Variants in CA12 observed in about 807,000 individuals in gnomAD.
CA12 encodes carbonate dehydratase XII.
CA12 carries 36 observed loss-of-function variants against 46.8 expected under a neutral mutation model. The observed-to-expected ratio is 0.77, with a 90% CI of 0.59 to 1.02. CA12 has a LOEUF of 1.02. Ranked by LOEUF, CA12 falls within the 50% of genes least tolerant of loss-of-function variation. The pLI, the probability that CA12 is intolerant of heterozygous loss-of-function variation, is 0.00. For missense variants in CA12, 436 were observed against 451.4 expected (o/e 0.97, Z 0.31); for synonymous variants, 202 against 187.0 (o/e 1.08, Z -0.65).
chr15:63,357,528 T>C (rs923129908), intron 2 of CA12, among the ~76,000 whole-genome samples: 2 of 152,108 alleles, frequency 1.3e-5, no homozygotes, highest in African/African-American at 4.8e-5. Flanking sequence ...CTCACATGAT[T>C]CTCATGGGCA....
At position 63,322,086 on chromosome 15, in the gene CA12, A is replaced by G. The variant is rs2152607121; in HGVS notation, c.*4199T>C. The G allele has an allele frequency of 6.6e-6, 1 of 152,384 alleles. No individual in the cohort carries two copies. The highest frequency in any genetic ancestry group is 2.4e-5 in the African/African-American group (1 of 41,602). The allele number at this position is 152,384 out of a possible 1,614,324, so 9.4% of individuals were successfully genotyped here. A position where few individuals can be genotyped will look rare whatever the true frequency, so the allele number is the denominator to read the frequency against. Reference sequence around the variant, plus strand: ...GAATGTGACTTAACTGAGAAACGCTACTTTATTTTAATAAGTTTACATCTA... The same window carrying G: ...GAATGTGACTTAACTGAGAAACGCTGCTTTATTTTAATAAGTTTACATCTA... On this transcript the variant is annotated 3_prime_UTR_variant, in exon 11 of 11. Coordinates refer to ENST00000178638, the MANE Select transcript of CA12 (RefSeq NM_001218.5). The surrounding 1 kb of genome is among the most constrained non-coding windows in gnomAD (Gnocchi z 4.1).
At chr15:63,354,060 G>A (rs1482279190) in intron 2 of CA12, among the ~76,000 whole-genome samples, 1 of 152,182 alleles carries the variant, frequency 6.6e-6, no homozygotes, top group Non-Finnish European at 1.5e-5. Context: ...TGCTGGGTAG[G>A]CGGAGAGGCA....
chr15:63,336,922 T>G (rs918619732), intron 8 of CA12, among the ~76,000 whole-genome samples: 1 of 152,342 alleles, frequency 6.6e-6, no homozygotes, highest in African/African-American at 2.4e-5. Context: ...GCAAAGTTCC[T>G]AATCTCCTGG....
chr15:63,326,280 G>T lies in CA12; in HGVS notation c.*5C>A. On this transcript the variant is annotated 3_prime_UTR_variant, in exon 11 of 11. Coordinates refer to ENST00000178638, the MANE Select transcript of CA12 (RefSeq NM_001218.5). ...TCCTGGATGTGCCCGGGAGCTCCGG[G>T]GACCTCAAGCGTGGGCCTCAGTCTC... 1 of 1,613,356 alleles carries T rather than the reference G, an allele frequency of 6.2e-7. No homozygotes were observed. The highest frequency in any genetic ancestry group is 2.2e-5 in the East Asian group (1 of 44,884).
In CA12 at chr15:63,323,920, C is replaced by T. The variant is rs894229110; in HGVS notation, c.*2365G>A. 2.6e-5 allele frequency: 4 copies of T among 152,240 alleles called. No homozygotes were observed. The highest frequency in any genetic ancestry group is 5.9e-5 in the Non-Finnish European group (4 of 68,058). The allele number at this position is 152,240 out of a possible 1,614,324, so 9.4% of individuals were successfully genotyped here. A position where few individuals can be genotyped will look rare whatever the true frequency, so the allele number is the denominator to read the frequency against. ...AGGGCCTTCCCCTCTGGCCCTGGCC[C>T]CAGCCTGGGCCTTGTTTTTGCTATT... is the stretch of plus-strand genomic sequence containing the variant. On this transcript the variant is annotated 3_prime_UTR_variant, in exon 11 of 11. Coordinates refer to ENST00000178638, the MANE Select transcript of CA12 (RefSeq NM_001218.5). The surrounding 1 kb of genome is among the most constrained non-coding windows in gnomAD (Gnocchi z 5.1).
At chr15:63,376,845 G>C (rs756369041) in intron 1 of CA12, among the ~76,000 whole-genome samples, 2 of 151,834 alleles carry the variant, frequency 1.3e-5, no homozygotes, top group Non-Finnish European at 2.9e-5. Flanking sequence ...GTTTCACCAT[G>C]TTGCCCAGGC....
At chr15:63,334,647 AAACAT>A (rs1303144402) in intron 8 of CA12, among the ~76,000 whole-genome samples, 1 of 152,138 alleles carries the variant, frequency 6.6e-6, no homozygotes, top group Admixed American at 6.5e-5. Context: ...AGGCAACAAG[AAACAT>A]AACATACAAG....
chr15:63,376,801 C>A (rs544970617), intron 1 of CA12, among the ~76,000 whole-genome samples: 1 of 151,758 alleles, frequency 6.6e-6, no homozygotes, highest in Non-Finnish European at 1.5e-5. Flanking sequence ...CACCACCACA[C>A]CTGGCTAATT....
At chr15:63,356,265 C>T (rs538752052) in intron 2 of CA12, among the ~76,000 whole-genome samples, 25 of 152,166 alleles carry the variant, frequency 1.6e-4, no homozygotes, top group African/African-American at 2.6e-4. Flanking sequence ...TGGTGGCATA[C>T]GCCTGTAGTC....
Position 63,342,070 on chromosome 15 carries a change from G to C in CA12, c.457C>G (p.Leu153Val). The change falls in exon 5 of 11, where the codon CTT becomes GTT. Residue 153 changes from leucine (L) to valine (V), a missense_variant. Transcript: ENST00000178638. Reference protein sequence around the residue: ...ELHIVHYNSDLYPDASTASNK... With the variant: ...ELHIVHYNSDVYPDASTASNK... The stretch of plus-strand genomic sequence containing the variant: ...CTGGCAGTGCTGGCGTCAGGATAAA[G>C]GTCTGAGTTATAATGGACAATGTGC... 6.2e-7 allele frequency: 1 copy of C among 1,613,966 alleles called. No individual in the cohort carries two copies. The highest frequency in any genetic ancestry group is 8.5e-7 in the Non-Finnish European group (1 of 1,179,850).
rs968987644 is a variant in CA12, at chr15:63,327,986, C to T, written c.907+112G>A. ...GGTAAGACCCATAGCAAGGAGAGGG[C>T]CAGGAGCCAGAGCAATAGTACAGAG... is the stretch of plus-strand genomic sequence containing the variant. On this transcript the variant is annotated intron_variant, in intron 9 of 10. Transcript: ENST00000178638. This position sits in a 1 kb window ranked among gnomAD's most constrained non-coding sequence, Gnocchi z 4.5. 1.8e-5 allele frequency: 18 copies of T among 1,007,730 alleles called. No homozygotes were observed. The highest frequency in any genetic ancestry group is 2.5e-5 in the Non-Finnish European group (16 of 637,656). 62.4% of individuals were successfully genotyped at this position (1,007,730 alleles called of 1,614,324 possible).
intron 2 of CA12, among the ~76,000 whole-genome samples, chr15:63,366,813 T>C (rs2039440107): frequency 6.6e-6 from 1 of 152,228 alleles, no homozygotes; most frequent in Admixed American, 6.5e-5. Flanking sequence ...ACCACTAGAC[T>C]AAGGCTCTTT....
intron 2 of CA12, among the ~76,000 whole-genome samples, chr15:63,351,762 C>A (rs140851883): frequency 1.3e-5 from 2 of 152,324 alleles, no homozygotes; most frequent in South Asian, 4.1e-4. Context: ...CCAGCCTACT[C>A]GGGTTGTGCA....
intron 2 of CA12, among the ~76,000 whole-genome samples, chr15:63,370,248 GCCAGGAGTTCAAGA>G (rs1213589206): frequency 6.6e-6 from 1 of 151,592 alleles, no homozygotes; most frequent in Non-Finnish European, 1.5e-5. Flanking sequence ...CTCATTTGAG[GCCAGGAGTTCAAGA>G]CCAGCCTGGT....
chr15:63,343,668 G>A (rs1164881553), intron 4 of CA12, among the ~76,000 whole-genome samples: 1 of 152,124 alleles, frequency 6.6e-6, no homozygotes, highest in Non-Finnish European at 1.5e-5. Flanking sequence ...ACACCCTGAT[G>A]CCTTTTCTCT....
At chr15:63,353,017 G>GAAGAACACATTC (rs2152620557) in intron 2 of CA12, among the ~76,000 whole-genome samples, 1 of 152,216 alleles carries the variant, frequency 6.6e-6, no homozygotes, top group African/African-American at 2.4e-5. Context: ...TTCAACAAAT[G>GAAGAACACATTC]TGTCTAGTAT....
intron 4 of CA12, among the ~76,000 whole-genome samples, chr15:63,344,893 G>A (rs1157252732): frequency 1.3e-5 from 2 of 152,064 alleles, no homozygotes; most frequent in African/African-American, 2.4e-5. Flanking sequence ...AACATGACAC[G>A]ATGCTGTGCT....
intron 8 of CA12, among the ~76,000 whole-genome samples, chr15:63,334,332 T>A (rs970397543): frequency 1.4e-5 from 2 of 138,228 alleles, no homozygotes; most frequent in East Asian, 2.5e-4. Context: ...CTTGGCTCAC[T>A]GCAACCTCTG....
chr15:63,342,736 G>A lies in CA12; in HGVS notation c.430-639C>T, dbSNP rs541718773. On this transcript the variant is annotated intron_variant, in intron 4 of 10. Coordinates refer to ENST00000178638, the MANE Select transcript of CA12 (RefSeq NM_001218.5). The stretch of plus-strand genomic sequence containing the variant: ...GGAGAGGTCCATTCAGATGGCAGGT[G>A]GGTGGGGTGGGGGGCTTAGAATTTA... Among the ~76,000 whole-genome samples the A allele has an allele frequency of 4.6e-5, 7 of 152,286 alleles. No individual in the cohort carries two copies. The South Asian group carries it at 1.5e-3, about 32-fold the overall frequency.
Sources: allele counts gnomAD v4.1 joint callset (sites outside exome capture counted in the v4.1 genomes callset), GRCh38; gene constraint gnomAD v4.1.1; non-coding constraint Gnocchi (gnomAD v3.1); transcripts MANE v1.5; gene names NCBI Gene and HGNC (gene_info 2026-07-23, HGNC 2026-07-21).